Variants in SLC4A10 observed in about 807,000 individuals in gnomAD.
SLC4A10 encodes solute carrier family 4 member 10, also known as sodium-driven chloride bicarbonate exchanger.
A neutral mutation model predicts 137.7 loss-of-function variants in SLC4A10; 42 were observed. The ratio of observed to expected loss-of-function variants is 0.30; its 90% CI spans 0.24 to 0.39. The LOEUF is 0.39. Ranked by LOEUF, SLC4A10 falls within the 10% of genes least tolerant of loss-of-function variation. The pLI, the probability that SLC4A10 is intolerant of heterozygous loss-of-function variation, is 1.00. For synonymous variants in SLC4A10, 474 were observed against 464.1 expected, an observed-to-expected ratio of 1.02 and a Z score of -0.27; for missense variants, 925 against 1,355.0, an observed-to-expected ratio of 0.68 and a Z score of 4.98.
At chr2:161,663,886 A>T (rs1166199626) in intron 1 of SLC4A10, among the ~76,000 whole-genome samples, 2 of 152,036 alleles carry the variant, frequency 1.3e-5, no homozygotes, top group Non-Finnish European at 2.9e-5. Context: ...GTTTATGTAG[A>T]ATTGGGGAGG....
At chr2:161,734,223 C>T (rs1337635207) in intron 1 of SLC4A10, among the ~76,000 whole-genome samples, 3 of 152,134 alleles carry the variant, frequency 2.0e-5, no homozygotes, top group Non-Finnish European at 2.9e-5. Context: ...TGGTTTGGCC[C>T]TGTGTTCCCA....
intron 1 of SLC4A10, among the ~76,000 whole-genome samples, chr2:161,640,568 C>G (rs1250933090): frequency 6.6e-6 from 1 of 152,042 alleles, no homozygotes; most frequent in Non-Finnish European, 1.5e-5. Flanking sequence ...ATCAGTATTT[C>G]TCTATGAAGT....
chr2:161,797,680 A>T (rs2054922716), intron 2 of SLC4A10, among the ~76,000 whole-genome samples: 1 of 152,056 alleles, frequency 6.6e-6, no homozygotes. Context: ...TCATTCACTT[A>T]TTCAAGATAT....
intron 15 of SLC4A10, among the ~76,000 whole-genome samples, chr2:161,911,483 A>G (rs1685842887): frequency 6.6e-6 from 1 of 152,078 alleles, no homozygotes; most frequent in Non-Finnish European, 1.5e-5. Flanking sequence ...TAAACCTTTT[A>G]GTACTCACTA....
chr2:161,890,302 A>T (rs560752549), intron 10 of SLC4A10, among the ~76,000 whole-genome samples: 1 of 151,970 alleles, frequency 6.6e-6, no homozygotes, highest in East Asian at 1.9e-4. Context: ...TGTCTATTAG[A>T]TCTGCTTGGT....
At chr2:161,883,800 A>T (rs933075761) in intron 10 of SLC4A10, among the ~76,000 whole-genome samples, 1 of 151,712 alleles carries the variant, frequency 6.6e-6, no homozygotes, top group African/African-American at 2.4e-5. Context: ...GTGTCTTCTT[A>T]TTTTCTGTTA....
At chr2:161,660,338 A>G (rs1264841693) in intron 1 of SLC4A10, among the ~76,000 whole-genome samples, 1 of 152,222 alleles carries the variant, frequency 6.6e-6, no homozygotes, top group Non-Finnish European at 1.5e-5. Context: ...TTGACTTTCA[A>G]CATTTTATCG....
rs1700606436 is a variant in SLC4A10, at chr2:161,984,562, A to G, written c.*1410A>G. 1 of 152,110 alleles carries G rather than the reference A, an allele frequency of 6.6e-6. No homozygotes were observed. The highest frequency in any genetic ancestry group is 2.1e-4 in the South Asian group (1 of 4,834). The allele number at this position is 152,110 out of a possible 1,614,324, so 9.4% of individuals were successfully genotyped here. On this transcript the variant is annotated 3_prime_UTR_variant, in exon 27 of 27. Coordinates refer to ENST00000446997, the MANE Select transcript of SLC4A10 (RefSeq NM_001178015.2). ...GTACTCTGTTGGAAGTGCACATGAA[A>G]AGTGAAGAAAAGTTCCTCTTGTGAT...
At chr2:161,648,200 C>CT (rs35645243) in intron 1 of SLC4A10, among the ~76,000 whole-genome samples, 16 of 149,544 alleles carry the variant, frequency 1.1e-4, no homozygotes, top group South Asian at 4.2e-4. Flanking sequence ...ATGTGGTCAA[C>CT]TTTTTTTTTT....
At chr2:161,909,198 A>G (rs568488160) in intron 15 of SLC4A10, among the ~76,000 whole-genome samples, 50 of 151,980 alleles carry the variant, frequency 3.3e-4, no homozygotes, top group African/African-American at 1.1e-3. Context: ...AAACCTGCAC[A>G]TTGTGTACAT....
At chr2:161,893,571 C>T (rs530267451) in intron 10 of SLC4A10, among the ~76,000 whole-genome samples, 1 of 152,040 alleles carries the variant, frequency 6.6e-6, no homozygotes, top group East Asian at 1.9e-4. Context: ...TTGTGGTACA[C>T]ACCTGTAGTC....
At chr2:161,976,242 G>A (rs1699364803) in intron 24 of SLC4A10, among the ~76,000 whole-genome samples, 1 of 151,878 alleles carries the variant, frequency 6.6e-6, no homozygotes, top group Non-Finnish European at 1.5e-5. Flanking sequence ...AACAAAATGG[G>A]GCATACACAT....
In SLC4A10 at chr2:161,900,990, C is replaced by T. The variant is rs1205614100; in HGVS notation, c.1421C>T (p.Pro474Leu). ...EAEPHGGHSG[P>L]ELQRTGRIFG... is the part of the protein sequence containing the mutation. The stretch of plus-strand genomic sequence containing the variant: ...GAGCCCCACGGAGGACATAGTGGAC[C>T]TGAACTCCAGCGAACTGGAAGGTTA... The change falls in exon 12 of 27, where the codon CCT (proline) becomes CTT (leucine). Residue 474 changes from proline to leucine, a missense_variant. Pro to Leu is a moderately conservative substitution (Grantham distance 98). This residue lies in a region of SLC4A10 where 61 missense variants were observed against 59.0 expected (regional missense o/e 1.03). Coordinates refer to ENST00000446997, the MANE Select transcript of SLC4A10 (RefSeq NM_001178015.2). The T allele has an allele frequency of 6.4e-7, 1 of 1,566,766 alleles. No individual in the cohort carries two copies. The highest frequency in any genetic ancestry group is 2.4e-5 in the East Asian group (1 of 42,022).
At position 161,839,854 on chromosome 2, in the gene SLC4A10, C is replaced by T. The variant is rs746977573; in HGVS notation, c.343C>T (p.His115Tyr). The T allele has an allele frequency of 6.2e-7, 1 of 1,613,922 alleles. No homozygotes were observed. Among genetic ancestry groups the T allele is most frequent in the Admixed American group, 1.7e-5 (1 of 60,008 alleles). ...GGATGATGACGAGGAACACATTCCT[C>T]ATGACCTTTTCACAGAACTGGATGA... Reference protein sequence around the residue: ...TEDDDEEHIPHDLFTELDEIC... With the variant: ...TEDDDEEHIPYDLFTELDEIC... The change falls in exon 4 of 27, where the codon CAT becomes TAT. Residue 115 changes from histidine (H) to tyrosine (Y), a missense_variant. This residue lies in a region of SLC4A10 where 138 missense variants were observed against 171.3 expected (regional missense o/e 0.81). Coordinates refer to ENST00000446997, the MANE Select transcript of SLC4A10 (RefSeq NM_001178015.2).
intron 1 of SLC4A10, among the ~76,000 whole-genome samples, chr2:161,707,681 C>A (rs1301043249): frequency 2.6e-5 from 4 of 151,306 alleles, no homozygotes; most frequent in African/African-American, 9.7e-5. Context: ...AGTAAAAATG[C>A]CAACAACTTA....
At chr2:161,841,488 G>A (rs557453837) in intron 4 of SLC4A10, among the ~76,000 whole-genome samples, 1 of 152,276 alleles carries the variant, frequency 6.6e-6, no homozygotes, top group East Asian at 1.9e-4. Context: ...GATTGCAATT[G>A]CTGTCTGAAA....
At chr2:161,762,972 C>T (rs1016199322) in intron 1 of SLC4A10, among the ~76,000 whole-genome samples, 2 of 151,894 alleles carry the variant, frequency 1.3e-5, no homozygotes, top group African/African-American at 2.4e-5. Context: ...GATACTAACC[C>T]ATAGATTGAG....
chr2:161,956,927 A>T lies in SLC4A10; in HGVS notation c.2542-62A>T, dbSNP rs1695774239. The T allele has an allele frequency of 6.1e-6, 9 of 1,479,710 alleles. No individual in the cohort carries two copies. The East Asian group carries it at 2.2e-4, about 37-fold the overall frequency. 91.7% of individuals were successfully genotyped at this position (1,479,710 alleles called of 1,614,324 possible). Reference sequence around the variant, plus strand: ...CAGGAAGTGGTTTCTATTCGCAATCAGGCCACCCTTAGCCCTGTTATTGAC... The same window carrying T: ...CAGGAAGTGGTTTCTATTCGCAATCTGGCCACCCTTAGCCCTGTTATTGAC... On this transcript the variant is annotated intron_variant, in intron 19 of 26. Coordinates refer to ENST00000446997, the MANE Select transcript of SLC4A10 (RefSeq NM_001178015.2).
chr2:161,647,880 C>G (rs1352019838), intron 1 of SLC4A10, among the ~76,000 whole-genome samples: 1 of 152,192 alleles, frequency 6.6e-6, no homozygotes, highest in Non-Finnish European at 1.5e-5. Flanking sequence ...TCAATGACCA[C>G]TTTTTCACTA....
Sources: gnomAD v4.1 joint callset for allele counts (sites outside exome capture counted in the v4.1 genomes callset) on GRCh38, gnomAD v4.1.1 for gene constraint, gnomAD v4.1.1 regional missense constraint, MANE v1.5 for transcripts, NCBI Gene and HGNC (gene_info 2026-07-23, HGNC 2026-07-21) for gene names.